CHD7: variants seen among roughly 807,000 people sequenced by gnomAD.
CHD7 encodes the protein chromodomain helicase DNA binding protein 7, also known as ATP-dependent chromatin remodeler CHD7.
In CHD7, 24 loss-of-function variants were observed where a neutral mutation model predicts 307.3. The observed-to-expected ratio is 0.08, with a 90% CI of 0.06 to 0.11. The LOEUF is 0.11. CHD7 is among the 10% of genes least tolerant of loss of function. CHD7 has a pLI of 1.00. For synonymous variants in CHD7, 1,363 were observed against 1,349.9 expected (o/e 1.01, Z -0.21); for missense variants, 3,106 against 3,727.1 (o/e 0.83, Z 4.34).
At chr8:60,796,898 C>T (rs1016463799) in intron 4 of CHD7, among the ~76,000 whole-genome samples, 5 of 152,270 alleles carry the variant, frequency 3.3e-5, no homozygotes, top group Middle Eastern at 3.4e-3. Context: ...TACTAAGGTA[C>T]ATGTCATATA....
intron 2 of CHD7, among the ~76,000 whole-genome samples, chr8:60,778,490 T>C (rs1811057416): frequency 6.6e-6 from 1 of 152,210 alleles, no homozygotes; most frequent in South Asian, 2.1e-4. Flanking sequence ...TTTAAATCTT[T>C]TTGTGTTATA....
intron 1 of CHD7, among the ~76,000 whole-genome samples, chr8:60,738,884 T>C (rs1393669003): frequency 1.3e-5 from 2 of 152,168 alleles, no homozygotes; most frequent in Non-Finnish European, 2.9e-5. Context: ...GGACACTTAG[T>C]AGAAGGGCGT....
At chr8:60,732,535 G>A (rs973772871) in intron 1 of CHD7, among the ~76,000 whole-genome samples, 5 of 152,120 alleles carry the variant, frequency 3.3e-5, no homozygotes, top group African/African-American at 9.7e-5. Flanking sequence ...CTCACTTTTT[G>A]TAGGCTTGAC....
intron 2 of CHD7, among the ~76,000 whole-genome samples, chr8:60,774,319 A>C (rs1398380307): frequency 1.3e-5 from 2 of 152,232 alleles, no homozygotes; most frequent in African/African-American, 4.8e-5. Flanking sequence ...TCACCTCACC[A>C]GCCTCATAGG....
intron 3 of CHD7, among the ~76,000 whole-genome samples, chr8:60,784,770 C>T (rs1056793033): frequency 6.6e-6 from 1 of 152,056 alleles, no homozygotes; most frequent in Non-Finnish European, 1.5e-5. Context: ...AAGAATCTGC[C>T]CAGAAACTGT....
intron 1 of CHD7, among the ~76,000 whole-genome samples, chr8:60,727,753 A>T (rs1808244398): frequency 6.6e-6 from 1 of 152,154 alleles, no homozygotes. Context: ...GCCATATCTC[A>T]GCTCAGCATT....
chr8:60,770,746 C>T (rs1224786992), intron 2 of CHD7, among the ~76,000 whole-genome samples: 1 of 151,958 alleles, frequency 6.6e-6, no homozygotes, highest in Non-Finnish European at 1.5e-5. Flanking sequence ...TTTTAAAATG[C>T]TCTTTTGCTT....
chr8:60,798,763 A>G (rs888233807), intron 4 of CHD7, among the ~76,000 whole-genome samples: 1 of 152,146 alleles, frequency 6.6e-6, no homozygotes, highest in Non-Finnish European at 1.5e-5. Context: ...AACTCATTCC[A>G]TAGGTTGTAA....
At chr8:60,781,512 G>A (rs781239740) in intron 3 of CHD7, 82 bp downstream of exon 3, 52 of 1,429,800 alleles carry the variant, frequency 3.6e-5, no homozygotes, top group Non-Finnish European at 4.7e-5. Flanking sequence ...TATGAAATGA[G>A]GGGTGGGAGG....
rs1397401481 is a variant in CHD7 at position 60,742,386 on chromosome 8, A to G, written c.954A>G (p.Leu318=). 3 of 1,613,858 alleles carry G rather than the reference A, an allele frequency of 1.9e-6. No homozygotes were observed. Among genetic ancestry groups the G allele is most frequent in the African/African-American group, 1.3e-5 (1 of 74,914 alleles). ...ATTCTCGATATCCTTACAGTAACCT[A>G]AATCAGGGATTAGTTAACAATACAG... ...GQYSRYPYSN[L]NQGLVNNTGM... is the part of the protein sequence containing the mutation. Residue 318 remains leucine, a synonymous_variant, in exon 2 of 38, where the codon CTA becomes CTG. Transcript: ENST00000423902.
intron 29 of CHD7, 41 bp downstream of exon 29, chr8:60,852,288 C>A: frequency 6.5e-7 from 1 of 1,542,348 alleles, no homozygotes; most frequent in Non-Finnish European, 8.9e-7. Flanking sequence ...CCGGTACATG[C>A]CCCTCTGCCC....
chr8:60,816,833 A>G (rs1803771380), intron 8 of CHD7, among the ~76,000 whole-genome samples: 1 of 152,252 alleles, frequency 6.6e-6, no homozygotes, highest in South Asian at 2.1e-4. Flanking sequence ...TAAGAAATCT[A>G]CAATGTTAAG....
chr8:60,839,693 A>G lies in CHD7; in HGVS notation c.4533+1438A>G, dbSNP rs924984914. The stretch of plus-strand genomic sequence containing the variant: ...GGTTTTTATTTGCATTTCTCTGATG[A>G]TATTGAGCATCTTTTCATGTGCTTA... On this transcript the variant is annotated intron_variant, in intron 19 of 37. Coordinates refer to ENST00000423902, the MANE Select transcript of CHD7 (RefSeq NM_017780.4). Among the ~76,000 whole-genome samples, 5 of 152,148 alleles carry G rather than the reference A, an allele frequency of 3.3e-5. No individual in the cohort carries two copies. The East Asian group carries it at 9.6e-4, about 29-fold the overall frequency.
At chr8:60,852,338 G>T in intron 29 of CHD7, 91 bp downstream of exon 29, 1 of 1,346,012 alleles carries the variant, frequency 7.4e-7, no homozygotes, top group Non-Finnish European at 1.0e-6. Context: ...TCATATCAAA[G>T]GTAGTGACCA....
intron 1 of CHD7, 25 bp downstream of exon 1, chr8:60,679,107 C>G (rs1382316881): frequency 6.4e-6 from 1 of 156,306 alleles, no homozygotes; most frequent in Non-Finnish European, 1.4e-5. Context: ...TCGCCCGGCG[C>G]CCCCGGGAGG....
At chr8:60,726,285 A>G (rs954942339) in intron 1 of CHD7, among the ~76,000 whole-genome samples, 4 of 152,228 alleles carry the variant, frequency 2.6e-5, no homozygotes, top group Non-Finnish European at 5.9e-5. Context: ...TAGTAAAGTT[A>G]GCCTCTTAGA....
At chr8:60,848,107 G>C (rs1805293423) in intron 23 of CHD7, among the ~76,000 whole-genome samples, 2 of 152,130 alleles carry the variant, frequency 1.3e-5, no homozygotes, top group Admixed American at 6.5e-5. Flanking sequence ...TGGTATTAAG[G>C]CAGCAGCTGA....
At chr8:60,687,342 G>T (rs1375099736) in intron 1 of CHD7, among the ~76,000 whole-genome samples, 1 of 152,136 alleles carries the variant, frequency 6.6e-6, no homozygotes, top group East Asian at 1.9e-4. Flanking sequence ...ATTTTGAAGT[G>T]TATGAGCCTA....
At chr8:60,759,468 T>TCTCC (rs1392163061) in intron 2 of CHD7, among the ~76,000 whole-genome samples, 1 of 145,700 alleles carries the variant, frequency 6.9e-6, no homozygotes, top group Non-Finnish European at 1.5e-5. Context: ...TCCCTCCCTC[T>TCTCC]CTCCCTCTCT....
Sources: allele counts gnomAD v4.1 joint callset (sites outside exome capture counted in the v4.1 genomes callset), GRCh38; gene constraint gnomAD v4.1.1; transcripts MANE v1.5; gene names NCBI Gene and HGNC (gene_info 2026-07-23, HGNC 2026-07-21).